Variants in SMAD9 observed in about 807,000 individuals in gnomAD.
The protein encoded by SMAD9 is MAD homolog 9.
Under a neutral mutation model 46.1 loss-of-function variants are expected in SMAD9, and 36 were observed. The observed-to-expected ratio is 0.78, with a 90% confidence interval of 0.60 to 1.03. The LOEUF is 1.03. Among genes scored for constraint, SMAD9 ranks in the 50% least tolerant of loss-of-function variants. SMAD9 has a pLI of 0.00. For synonymous variants in SMAD9, 245 were observed against 237.1 expected (o/e 1.03, Z -0.31); for missense variants, 572 against 599.8 (o/e 0.95, Z 0.48).
intron 1 of SMAD9, among the ~76,000 whole-genome samples, chr13:36,915,256 C>G (rs1455510234): frequency 6.6e-6 from 1 of 152,158 alleles, no homozygotes; most frequent in Non-Finnish European, 1.5e-5. Context: ...GTATGCTATC[C>G]AGATTCCTTT....
chr13:36,873,418 T>G, intron 2 of SMAD9, among the ~76,000 whole-genome samples: 1 of 152,194 alleles, frequency 6.6e-6, no homozygotes, highest in Non-Finnish European at 1.5e-5. Context: ...TCATGTTGAA[T>G]TATTTAGATG....
intron 6 of SMAD9, chr13:36,852,612 G>T: frequency 1.0e-6 from 1 of 970,236 alleles, no homozygotes; most frequent in African/African-American, 1.8e-5. Context: ...ATTCCAAATT[G>T]TTTATACCTT....
intron 1 of SMAD9, among the ~76,000 whole-genome samples, chr13:36,917,835 C>A (rs2138730534): frequency 6.6e-6 from 1 of 152,252 alleles, no homozygotes; most frequent in South Asian, 2.1e-4. Context: ...GAAACACCAT[C>A]CCTCCAGTTT....
intron 1 of SMAD9, among the ~76,000 whole-genome samples, chr13:36,893,451 TATATAC>T (rs1412549923): frequency 6.8e-6 from 1 of 147,642 alleles, no homozygotes; most frequent in Non-Finnish European, 1.5e-5. Flanking sequence ...AATATATATA[TATATAC>T]ACATAAAGAA....
intron 5 of SMAD9, among the ~76,000 whole-genome samples, chr13:36,856,265 C>T (rs1438670868): frequency 6.6e-6 from 1 of 152,142 alleles, no homozygotes; most frequent in Non-Finnish European, 1.5e-5. Context: ...AGGATTTAGT[C>T]GGTATGTGAA....
chr13:36,893,366 A>C (rs2147168), intron 1 of SMAD9, among the ~76,000 whole-genome samples: 33,982 of 149,518 alleles, frequency 0.23, 3,970 homozygotes, highest in African/African-American at 0.25. Flanking sequence ...ATTGAAAGCC[A>C]CTTCCCTAAA....
intron 1 of SMAD9, among the ~76,000 whole-genome samples, chr13:36,913,913 TTAATAA>T (rs1388367370): frequency 7.2e-5 from 11 of 152,222 alleles, no homozygotes; most frequent in African/African-American, 2.2e-4. Flanking sequence ...ACTTATGTCA[TTAATAA>T]TAATCACCCA....
At chr13:36,909,312 G>A (rs2058642177) in intron 1 of SMAD9, among the ~76,000 whole-genome samples, 1 of 152,038 alleles carries the variant, frequency 6.6e-6, no homozygotes, top group South Asian at 2.1e-4. Context: ...ACTTAAGGTA[G>A]GTTTAGAATG....
rs1259450613 is a variant in SMAD9, at chr13:36,848,805, C to T, written c.1275G>A (p.Glu425=). The T allele has an allele frequency of 5.0e-6, 8 of 1,613,978 alleles. No individual in the cohort carries two copies. The highest frequency in any genetic ancestry group is 6.8e-6 in the Non-Finnish European group (8 of 1,179,988). Residue 425 remains glutamate, a synonymous_variant, in exon 7 of 7, where the codon GAG becomes GAA. Transcript: ENST00000379826. ...TGCTGGTGACATCCTGGCGATGATA[C>T]TCAGCACCCCAACCCTGAAAAACAA... The part of the protein sequence containing the change: ...RMSFVKGWGA[E]YHRQDVTSTP...
intron 1 of SMAD9, among the ~76,000 whole-genome samples, 178 bp from the exon 2 acceptor site, chr13:36,880,053 C>T (rs1310645806): frequency 6.6e-6 from 1 of 152,136 alleles, no homozygotes; most frequent in Non-Finnish European, 1.5e-5. Flanking sequence ...CAGAACCAGG[C>T]CCCAAAGTTG....
intron 1 of SMAD9, among the ~76,000 whole-genome samples, chr13:36,881,816 G>A (rs1270011058): frequency 6.6e-6 from 1 of 152,170 alleles, no homozygotes; most frequent in Non-Finnish European, 1.5e-5. Context: ...GCTGAAGAGG[G>A]TTAGAAGCTT....
At chr13:36,905,132 A>G (rs1005817433) in intron 1 of SMAD9, among the ~76,000 whole-genome samples, 1 of 152,172 alleles carries the variant, frequency 6.6e-6, no homozygotes, top group African/African-American at 2.4e-5. Context: ...ACTGGCCTCT[A>G]GTGGGCAGAG....
At chr13:36,858,607 A>T (rs2058149056) in intron 5 of SMAD9, among the ~76,000 whole-genome samples, 2 of 152,142 alleles carry the variant, frequency 1.3e-5, no homozygotes, top group Non-Finnish European at 2.9e-5. Context: ...CTGCACTGTG[A>T]GGTGTCTCCC....
At position 36,867,274 on chromosome 13, in the gene SMAD9, T is replaced by TCCA; in HGVS notation, c.777_779dup (p.Gly260dup). On this transcript the variant is annotated inframe_insertion and splice_region_variant, in exon 4 of 7. Coordinates refer to ENST00000379826, the MANE Select transcript of SMAD9 (RefSeq NM_001127217.3). ...TTTCACTGTTCATCTGCAATTTACC[T>TCCA]CCATTTGGTATCGATAGCACTACAT... The TCCA allele has an allele frequency of 6.5e-7, 1 of 1,533,192 alleles. No homozygotes were observed. Among genetic ancestry groups the TCCA allele is most frequent in the Non-Finnish European group, 8.8e-7 (1 of 1,130,154 alleles). The allele number at this position is 1,533,192 out of a possible 1,614,324, so 95.0% of individuals were successfully genotyped here.
intron 3 of SMAD9, among the ~76,000 whole-genome samples, chr13:36,871,080 G>A (rs1414065393): frequency 6.6e-6 from 1 of 152,216 alleles, no homozygotes; most frequent in Non-Finnish European, 1.5e-5. Context: ...TGAAACCTCA[G>A]ATAAGGGGGG....
At chr13:36,868,481 T>C (rs906437512) in intron 3 of SMAD9, among the ~76,000 whole-genome samples, 1 of 152,180 alleles carries the variant, frequency 6.6e-6, no homozygotes, top group South Asian at 2.1e-4. Context: ...GGCTCACACC[T>C]GTAATCTTAG....
intron 5 of SMAD9, among the ~76,000 whole-genome samples, chr13:36,863,344 A>G (rs867056668): frequency 4.6e-5 from 7 of 152,356 alleles, no homozygotes; most frequent in Middle Eastern, 3.4e-3. Flanking sequence ...AGCTCTGAGA[A>G]AACTGTAACT....
At position 36,867,466 on chromosome 13, in the gene SMAD9, A is replaced by C. The variant is rs565616396; in HGVS notation, c.671-83T>G. 54 of 892,644 alleles carry C rather than the reference A, an allele frequency of 6.0e-5. 1 individual carries two copies. The African/African-American group carries it at 8.2e-4, about 14-fold the overall frequency. The allele number at this position is 892,644 out of a possible 1,614,324, so 55.3% of individuals were successfully genotyped here. The stretch of plus-strand genomic sequence containing the variant: ...TTGGATCCGACATCTTTTGCCATTA[A>C]ACTCCTGAGCTTGGTGGACAGTGCT... On this transcript the variant is annotated intron_variant, in intron 3 of 6. Coordinates refer to ENST00000379826, the MANE Select transcript of SMAD9 (RefSeq NM_001127217.3).
chr13:36,915,114 G>A (rs1357675698), intron 1 of SMAD9, among the ~76,000 whole-genome samples: 1 of 152,096 alleles, frequency 6.6e-6, no homozygotes, highest in African/African-American at 2.4e-5. Flanking sequence ...TGTGCTCCTG[G>A]GGTCAGTGAG....
Sources: allele counts gnomAD v4.1 joint callset (sites outside exome capture counted in the v4.1 genomes callset), GRCh38; gene constraint gnomAD v4.1.1; transcripts MANE v1.5; gene names NCBI Gene and HGNC (gene_info 2026-07-23, HGNC 2026-07-21).